Variants in EBF1 observed in about 807,000 individuals in gnomAD.
EBF1 encodes the protein EBF transcription factor 1.
Under a neutral mutation model 68.4 loss-of-function variants are expected in EBF1, and 10 were observed. The ratio of observed to expected loss-of-function variants is 0.15; its 90% CI spans 0.09 to 0.25. EBF1 has a LOEUF of 0.25. Ranked by LOEUF, EBF1 falls within the 10% of genes least tolerant of loss-of-function variation. The probability of loss-of-function intolerance (pLI) is 1.00; values close to 1 mark genes in which losing one functional copy is unlikely to be tolerated. For missense variants in EBF1, 509 were observed against 794.4 expected, an observed-to-expected ratio of 0.64 and a Z score of 4.32; for synonymous variants, 298 against 299.8, an observed-to-expected ratio of 0.99 and a Z score of 0.06.
chr5:159,071,980 T>A (rs563717811), intron 6 of EBF1, among the ~76,000 whole-genome samples: 2 of 152,288 alleles, frequency 1.3e-5, no homozygotes, highest in East Asian at 3.9e-4. Flanking sequence ...AAGGTTAAAT[T>A]TACTTGTGAC....
intron 6 of EBF1, among the ~76,000 whole-genome samples, chr5:158,942,257 T>C (rs1475266933): frequency 1.3e-5 from 2 of 152,168 alleles, no homozygotes; most frequent in Non-Finnish European, 2.9e-5. Context: ...GAAACCCCTA[T>C]CTGGTAATAT....
intron 6 of EBF1, among the ~76,000 whole-genome samples, chr5:158,965,293 T>C (rs1753882146): frequency 6.6e-6 from 1 of 152,222 alleles, no homozygotes; most frequent in Non-Finnish European, 1.5e-5. Flanking sequence ...CCATCCCCTT[T>C]GCTTTGAGCA....
At position 158,913,793 on chromosome 5, in the gene EBF1, G is replaced by A. The variant is rs529441883; in HGVS notation, c.555-73683C>T. On this transcript the variant is annotated intron_variant, in intron 6 of 15. Coordinates refer to ENST00000313708, the MANE Select transcript of EBF1 (RefSeq NM_024007.5). ...ATCAATAACATATGGCCATGAGAGC[G>A]CGAGTATTATACCAACAGACTGAAA... is the stretch of plus-strand genomic sequence containing the variant. 9.9e-5 allele frequency among the ~76,000 whole-genome samples: 15 copies of A among 152,226 alleles called. No homozygotes were observed. The East Asian group carries it at 1.7e-3, about 18-fold the overall frequency.
At chr5:158,757,211 C>T (rs186188204) in intron 10 of EBF1, among the ~76,000 whole-genome samples, 6 of 152,208 alleles carry the variant, frequency 3.9e-5, no homozygotes, top group Admixed American at 1.3e-4. Context: ...ATGCTACATG[C>T]ATACATCCTA....
At chr5:159,089,234 AT>A (rs1409536967) in intron 4 of EBF1, among the ~76,000 whole-genome samples, 1 of 152,172 alleles carries the variant, frequency 6.6e-6, no homozygotes, top group Admixed American at 6.5e-5. Flanking sequence ...AAACATCGAA[AT>A]TGTTAAACTT....
rs1157405984 is a variant in EBF1, at chr5:159,097,337, G to A, written c.135-207C>T. The stretch of plus-strand genomic sequence containing the variant: ...CTCATGTCCTCGTCCTCTCCGCCAA[G>A]GACGGGTGCGTCCTCAGAACTCGCT... On this transcript the variant is annotated intron_variant, in intron 1 of 15. Transcript: ENST00000313708. The A allele has an allele frequency of 1.1e-4, 65 of 583,674 alleles. No homozygotes were observed. In the East Asian group the frequency reaches 1.9e-3, roughly 17 times the overall value. The allele number at this position is 583,674 out of a possible 1,614,324, so 36.2% of individuals were successfully genotyped here. A position where few individuals can be genotyped will look rare whatever the true frequency, so the allele number is the denominator to read the frequency against.
chr5:159,095,291 C>T (rs1476654895), intron 4 of EBF1, among the ~76,000 whole-genome samples: 1 of 152,154 alleles, frequency 6.6e-6, no homozygotes, highest in Non-Finnish European at 1.5e-5. Context: ...CACTCCGCAC[C>T]AGGGTCCCTG....
chr5:158,922,334 G>A (rs929281944), intron 6 of EBF1, among the ~76,000 whole-genome samples: 1 of 152,174 alleles, frequency 6.6e-6, no homozygotes, highest in African/African-American at 2.4e-5. Flanking sequence ...TAAGGAAGCT[G>A]GTGGCAGAGT....
rs149323033 is a variant in EBF1, at chr5:158,779,506, C to A, written c.910-1967G>T. On this transcript the variant is annotated intron_variant, in intron 9 of 15. Transcript: ENST00000313708. The stretch of plus-strand genomic sequence containing the variant: ...TCCATTTTTCATTTATTGCCTGGAG[C>A]TTTGCCATGCTTTTGGTGGTAAAGG... 2.4e-4 allele frequency among the ~76,000 whole-genome samples: 36 copies of A among 152,186 alleles called. No individual in the cohort carries two copies. The East Asian group carries it at 5.8e-3, about 24-fold the overall frequency.
chr5:159,095,582 A>G, intron 4 of EBF1, 38 bp downstream of exon 4: 1 of 1,611,674 alleles, frequency 6.2e-7, no homozygotes, highest in Non-Finnish European at 8.5e-7. Context: ...GAATTTTGTG[A>G]CATAGAGCCC....
At chr5:159,020,498 A>G (rs541223800) in intron 6 of EBF1, among the ~76,000 whole-genome samples, 4 of 151,398 alleles carry the variant, frequency 2.6e-5, no homozygotes, top group Non-Finnish European at 5.9e-5. Flanking sequence ...AGCGATGCGG[A>G]CTCCTCTGCT....
intron 6 of EBF1, among the ~76,000 whole-genome samples, chr5:159,002,425 G>A (rs565828589): frequency 3.1e-4 from 47 of 152,162 alleles, no homozygotes; most frequent in African/African-American, 1.0e-3. Flanking sequence ...TCGCTTTTCC[G>A]CTCATTGTCA....
chr5:159,010,093 A>G (rs1764320558), intron 6 of EBF1, among the ~76,000 whole-genome samples: 1 of 152,242 alleles, frequency 6.6e-6, no homozygotes, highest in South Asian at 2.1e-4. Context: ...TGAGCATGAA[A>G]GTATACAGCC....
At chr5:159,012,546 G>A (rs1412399135) in intron 6 of EBF1, among the ~76,000 whole-genome samples, 1 of 151,952 alleles carries the variant, frequency 6.6e-6, no homozygotes, top group Non-Finnish European at 1.5e-5. Flanking sequence ...GAGTGCAGTG[G>A]TGAGATCTCA....
At chr5:158,826,340 A>C (rs1280180900) in intron 7 of EBF1, among the ~76,000 whole-genome samples, 1 of 152,238 alleles carries the variant, frequency 6.6e-6, no homozygotes, top group Non-Finnish European at 1.5e-5. Context: ...ATTTAAATTT[A>C]AACTAAACGA....
At chr5:158,730,034 G>C (rs1481616565) in intron 11 of EBF1, among the ~76,000 whole-genome samples, 2 of 152,200 alleles carry the variant, frequency 1.3e-5, no homozygotes, top group Non-Finnish European at 2.9e-5. Context: ...AAGAAGGATG[G>C]CAACTTCATT....
intron 6 of EBF1, among the ~76,000 whole-genome samples, chr5:158,924,968 T>C (rs889476048): frequency 2.0e-5 from 3 of 151,670 alleles, no homozygotes; most frequent in African/African-American, 7.3e-5. Flanking sequence ...ATCCAATCTC[T>C]AGCATGGCCC....
intron 6 of EBF1, among the ~76,000 whole-genome samples, chr5:158,934,812 C>T (rs988112862): frequency 1.3e-5 from 2 of 152,192 alleles, no homozygotes; most frequent in Non-Finnish European, 2.9e-5. Context: ...AAATGTCCTT[C>T]CCAGAAGAAG....
chr5:158,729,949 C>G (rs1018112188), intron 11 of EBF1, among the ~76,000 whole-genome samples: 1 of 152,200 alleles, frequency 6.6e-6, no homozygotes, highest in South Asian at 2.1e-4. Flanking sequence ...TGACAGGTGG[C>G]CCTGCCTACA....
Sources: allele counts gnomAD v4.1 joint callset (sites outside exome capture counted in the v4.1 genomes callset), GRCh38; gene constraint gnomAD v4.1.1; transcripts MANE v1.5; gene names NCBI Gene and HGNC (gene_info 2026-07-23, HGNC 2026-07-21).